The following GRM7 variants were observed in gnomAD, a reference collection of about 807,000 sequenced individuals.
GRM7 encodes the protein glutamate metabotropic receptor 7.
GRM7 carries 35 observed loss-of-function variants against 84.5 expected under a neutral mutation model. The observed-to-expected ratio is 0.41, with a 90% CI of 0.32 to 0.55. The LOEUF is 0.55. Among genes scored for constraint, GRM7 ranks in the 20% least tolerant of loss-of-function variants. The pLI is 0.19. For synonymous variants in GRM7, 487 were observed against 455.1 expected, an observed-to-expected ratio of 1.07 and a Z score of -0.89; for missense variants, 1,003 against 1,194.6, an observed-to-expected ratio of 0.84 and a Z score of 2.36.
chr3:7,309,862 A>T (rs1408492062), intron 4 of GRM7, among the ~76,000 whole-genome samples: 1 of 152,096 alleles, frequency 6.6e-6, no homozygotes, highest in African/African-American at 2.4e-5. Context: ...GTTTATGGGA[A>T]ATCTGGGGAA....
At chr3:7,346,424 C>T (rs896737486) in intron 4 of GRM7, among the ~76,000 whole-genome samples, 1 of 152,112 alleles carries the variant, frequency 6.6e-6, no homozygotes, top group Non-Finnish European at 1.5e-5. Context: ...TCAGAGTTAA[C>T]CTAGTTACTG....
rs376308549 is a variant in GRM7, at chr3:7,246,901, T to C, written c.737-51783T>C. On this transcript the variant is annotated intron_variant, in intron 2 of 9. Transcript: ENST00000357716. ...AACATTGTTGTAGGATTTACAGTACTAGATTTCAAAACTTAACATAAATCT... is the reference window on the plus strand; with the variant it reads ...AACATTGTTGTAGGATTTACAGTACCAGATTTCAAAACTTAACATAAATCT... Among the ~76,000 whole-genome samples, 12 of 152,294 alleles carry C rather than the reference T, an allele frequency of 7.9e-5. 1 individual carries two copies. The East Asian group carries it at 2.3e-3, about 29-fold the overall frequency.
At chr3:7,654,386 A>G (rs925956661) in intron 8 of GRM7, among the ~76,000 whole-genome samples, 3 of 152,138 alleles carry the variant, frequency 2.0e-5, no homozygotes, top group Admixed American at 6.5e-5. Flanking sequence ...TGCTATCTCT[A>G]TAATTAAAGC....
chr3:7,628,145 A>G (rs1344217731), intron 8 of GRM7, among the ~76,000 whole-genome samples: 1 of 152,152 alleles, frequency 6.6e-6, no homozygotes, highest in African/African-American at 2.4e-5. Context: ...TTTTTCTTAG[A>G]AATAAAGATA....
chr3:7,195,686 A>T (rs1695854768), intron 2 of GRM7, among the ~76,000 whole-genome samples: 1 of 152,192 alleles, frequency 6.6e-6, no homozygotes, highest in Non-Finnish European at 1.5e-5. Flanking sequence ...AAAAGAAAAG[A>T]TATAGAATGT....
At chr3:7,456,338 G>T (rs1427619536) in intron 6 of GRM7, among the ~76,000 whole-genome samples, 2 of 152,050 alleles carry the variant, frequency 1.3e-5, no homozygotes, top group South Asian at 4.2e-4. Context: ...GCTATCCATA[G>T]GGCTTATGTT....
intron 2 of GRM7, among the ~76,000 whole-genome samples, chr3:7,219,797 A>G (rs2124871376): frequency 6.6e-6 from 1 of 152,134 alleles, no homozygotes; most frequent in Admixed American, 6.5e-5. Flanking sequence ...AATGAGTGGA[A>G]CTCCTTGAAG....
intron 5 of GRM7, among the ~76,000 whole-genome samples, chr3:7,419,709 A>G (rs1473781599): frequency 6.6e-6 from 1 of 152,202 alleles, no homozygotes; most frequent in Non-Finnish European, 1.5e-5. Flanking sequence ...CCACTTGGTG[A>G]ATACTGATTC....
intron 2 of GRM7, among the ~76,000 whole-genome samples, chr3:7,215,864 A>T (rs1298939279): frequency 6.6e-6 from 1 of 152,240 alleles, no homozygotes; most frequent in Non-Finnish European, 1.5e-5. Flanking sequence ...GTCTTAGAAA[A>T]TTGGACAAAA....
intron 8 of GRM7, among the ~76,000 whole-genome samples, chr3:7,646,568 G>A (rs1006941660): frequency 1.1e-4 from 17 of 152,250 alleles, no homozygotes; most frequent in Middle Eastern, 3.4e-3. Flanking sequence ...GATGGTCCTT[G>A]TTAGTGCCAT....
intron 8 of GRM7, among the ~76,000 whole-genome samples, chr3:7,629,358 A>G (rs978973444): frequency 6.6e-6 from 1 of 152,200 alleles, no homozygotes; most frequent in Non-Finnish European, 1.5e-5. Flanking sequence ...GGAGGCTGGA[A>G]GCTCAAAATG....
intron 4 of GRM7, among the ~76,000 whole-genome samples, chr3:7,343,358 T>C (rs1575193799): frequency 6.6e-6 from 1 of 151,986 alleles, no homozygotes; most frequent in Non-Finnish European, 1.5e-5. Context: ...CTCAGCCTCC[T>C]GAGTAGCTGG....
intron 1 of GRM7, among the ~76,000 whole-genome samples, chr3:6,890,860 G>A (rs1026167104): frequency 2.6e-5 from 4 of 152,016 alleles, no homozygotes; most frequent in African/African-American, 9.7e-5. Context: ...TTATTGTGTG[G>A]GAGTCTAAGT....
chr3:7,005,582 G>T (rs932135796), intron 1 of GRM7, among the ~76,000 whole-genome samples: 2 of 152,134 alleles, frequency 1.3e-5, no homozygotes, highest in Non-Finnish European at 2.9e-5. Context: ...CATGCAGTGG[G>T]TTTCTAACTT....
chr3:7,113,393 C>T (rs913416648), intron 1 of GRM7, among the ~76,000 whole-genome samples: 10 of 152,120 alleles, frequency 6.6e-5, no homozygotes, highest in African/African-American at 2.4e-4. Flanking sequence ...CTACATCCTG[C>T]ACCTCAGTGG....
intron 1 of GRM7, among the ~76,000 whole-genome samples, chr3:6,941,026 T>G (rs899821101): frequency 1.3e-5 from 2 of 152,198 alleles, no homozygotes; most frequent in Non-Finnish European, 2.9e-5. Context: ...TGTGGCCACT[T>G]AAGCCTCCAT....
chr3:7,521,571 C>A (rs964155091), intron 7 of GRM7, among the ~76,000 whole-genome samples: 2 of 152,148 alleles, frequency 1.3e-5, no homozygotes, highest in African/African-American at 4.8e-5. Context: ...GACTTCCCAA[C>A]CTTTGGAACT....
intron 2 of GRM7, among the ~76,000 whole-genome samples, chr3:7,150,109 G>T (rs1479259383): frequency 6.6e-6 from 1 of 151,924 alleles, no homozygotes; most frequent in Non-Finnish European, 1.5e-5. Flanking sequence ...GAGCAAGAAA[G>T]AGAGAGGGGG....
chr3:7,703,989 T>C (rs1018116430), intron 9 of GRM7, among the ~76,000 whole-genome samples: 17 of 152,242 alleles, frequency 1.1e-4, no homozygotes, highest in African/African-American at 4.1e-4. Flanking sequence ...CATCCATCAT[T>C]TCTGCTGGGT....
Sources: allele counts gnomAD v4.1 joint callset (sites outside exome capture counted in the v4.1 genomes callset), GRCh38; gene constraint gnomAD v4.1.1; transcripts MANE v1.5; gene names NCBI Gene and HGNC (gene_info 2026-07-23, HGNC 2026-07-21).